Variants in PMM1 observed in about 807,000 individuals in gnomAD.
PMM1 encodes the protein phosphomannomutase 1.
In PMM1, 25 loss-of-function variants were observed where a neutral mutation model predicts 34.0. The observed-to-expected ratio is 0.73, with a 90% CI of 0.54 to 1.03. The LOEUF is 1.03. Ranked by LOEUF, PMM1 falls within the 50% of genes least tolerant of loss-of-function variation. The pLI, the probability that PMM1 is intolerant of heterozygous loss-of-function variation, is 0.00. For synonymous variants in PMM1, 134 were observed against 143.9 expected, an observed-to-expected ratio of 0.93 and a Z score of 0.49; for missense variants, 321 against 350.1, an observed-to-expected ratio of 0.92 and a Z score of 0.66.
chr22:41,584,228 A>G (rs2145624139), intron 4 of PMM1, 53 bp downstream of exon 4: 2 of 1,532,888 alleles, frequency 1.3e-6, no homozygotes, highest in African/African-American at 2.7e-5. Context: ...AGGGACCCAC[A>G]CTTCTCCTCC....
In PMM1 at chr22:41,578,808, C is replaced by T. The variant is rs767071986; in HGVS notation, c.548G>A (p.Arg183Gln). The T allele has an allele frequency of 6.8e-6, 11 of 1,613,708 alleles. No individual in the cohort carries two copies. The highest frequency in any genetic ancestry group is 8.5e-6 in the Non-Finnish European group (10 of 1,179,684). Residue 183 changes from arginine to glutamine, a missense_variant and splice_region_variant, in exon 6 of 8, where the codon CGA (arginine) becomes CAA (glutamine). Transcript: ENST00000216259. ...EFAGKGLRFS[R>Q]GGMISFDVFP... ...GGTCCTCTGCAGGGTGGACGTACCT[C>T]GAGAGAACCTCAGCCCTTTGCCAGC...
chr22:41,587,778 C>A (rs2067328846), intron 1 of PMM1, among the ~76,000 whole-genome samples: 1 of 152,216 alleles, frequency 6.6e-6, no homozygotes, highest in Non-Finnish European at 1.5e-5. Flanking sequence ...ACAGTAACCA[C>A]ATTAACTTGG....
At chr22:41,584,429 GCA>G in intron 3 of PMM1, 57 bp from the exon 4 acceptor site, 1 of 1,568,288 alleles carries the variant, frequency 6.4e-7, no homozygotes, top group Non-Finnish European at 8.8e-7. Flanking sequence ...CCTGAGACAG[GCA>G]CAGTGTCTCT....
Position 41,577,884 on chromosome 22 carries a change from T to C in PMM1, c.590A>G (p.Asp197Gly). 2 of 1,613,428 alleles carry C rather than the reference T, an allele frequency of 1.2e-6. No homozygotes were observed. The highest frequency in any genetic ancestry group is 1.7e-6 in the Non-Finnish European group (2 of 1,179,944). Residue 197 changes from aspartate to glycine, a missense_variant, in exon 7 of 8, where the codon GAC becomes GGC. Asp to Gly is a moderately conservative substitution (Grantham distance 94). Transcript: ENST00000216259. ...CAGGCTATCCAGGCAGTAGCGCTTGTCCCAGCCCTCGGGGAAGACGTCAAA... is the reference window on the plus strand; with the variant it reads ...CAGGCTATCCAGGCAGTAGCGCTTGCCCCAGCCCTCGGGGAAGACGTCAAA... ...ISFDVFPEGWDKRYCLDSLDQ... is the reference protein window; with the variant it reads ...ISFDVFPEGWGKRYCLDSLDQ...
In PMM1 at chr22:41,589,722, G is replaced by C; in HGVS notation, c.84C>G (p.Arg28=). ...FDVDGTLTPA[R]QKIDPEVAAF... ...CTTCCAATCTTCAGGGTCCTACCTGGCGAGCCGGCGTGAGGGTCCCGTCCA... is the reference window on the plus strand; with the variant it reads ...CTTCCAATCTTCAGGGTCCTACCTGCCGAGCCGGCGTGAGGGTCCCGTCCA... Residue 28 remains arginine, a synonymous_variant, in exon 1 of 8, where the codon CGC becomes CGG. Transcript: ENST00000216259. The C allele has an allele frequency of 6.2e-7, 1 of 1,610,546 alleles. No individual in the cohort carries two copies.
chr22:41,581,159 A>ACCAAAT (rs2067243281), intron 5 of PMM1, among the ~76,000 whole-genome samples: 1 of 150,832 alleles, frequency 6.6e-6, no homozygotes, highest in African/African-American at 2.4e-5. Flanking sequence ...CAAAACCAAA[A>ACCAAAT]CCAAAACCAA....
chr22:41,583,675 T>C (rs2067271590), intron 5 of PMM1, among the ~76,000 whole-genome samples: 1 of 151,832 alleles, frequency 6.6e-6, no homozygotes, highest in Non-Finnish European at 1.5e-5. Flanking sequence ...GCTGATGAAA[T>C]AAGAGTTGTT....
In PMM1 at chr22:41,588,547, G is replaced by T. The variant is rs1484320728; in HGVS notation, c.87+1172C>A. On this transcript the variant is annotated intron_variant, in intron 1 of 7. Coordinates refer to ENST00000216259, the MANE Select transcript of PMM1 (RefSeq NM_002676.3). ...TTTTTGTATTTTTAGTAGAGACGGG[G>T]TTTCACCATGTTAGCCAGACTGATC... The T allele has an allele frequency of 4.8e-6, 3 of 630,632 alleles. No individual in the cohort carries two copies. In the African/African-American group the frequency reaches 6.0e-5, roughly 13 times the overall value. 39.1% of individuals were successfully genotyped at this position (630,632 alleles called of 1,614,324 possible). A position where few individuals can be genotyped will look rare whatever the true frequency, so the allele number is the denominator to read the frequency against.
At chr22:41,577,694 T>A (rs1373911697) in intron 7 of PMM1, 114 bp downstream of exon 7, 1 of 810,122 alleles carries the variant, frequency 1.2e-6, no homozygotes, top group Non-Finnish European at 2.1e-6. Flanking sequence ...AGAGGTCTGT[T>A]GTGTTGCCCC....
At chr22:41,586,931 A>T (rs1375584142) in intron 1 of PMM1, among the ~76,000 whole-genome samples, 1 of 145,400 alleles carries the variant, frequency 6.9e-6, no homozygotes, top group Non-Finnish European at 1.5e-5. Context: ...CAGCCTGGCC[A>T]ACATGGTGAA....
intron 6 of PMM1, 52 bp downstream of exon 6, chr22:41,578,754 T>G (rs1205757694): frequency 1.1e-5 from 16 of 1,495,496 alleles, no homozygotes; most frequent in South Asian, 5.7e-5. Context: ...GCAGATGGTT[T>G]GAGGAGGGGC....
chr22:41,583,980 G>C lies in PMM1; in HGVS notation c.453C>G (p.Ile151Met). The C allele has an allele frequency of 3.1e-6, 5 of 1,612,462 alleles. No homozygotes were observed. Among genetic ancestry groups the C allele is most frequent in the South Asian group, 2.2e-5 (2 of 91,052 alleles). ...GTACCTTGTCCAGTTCGGAGAACTCGATCCTCTCCTCCAGGGTGCAGCTCC... is the reference window on the plus strand; with the variant it reads ...GTACCTTGTCCAGTTCGGAGAACTCCATCCTCTCCTCCAGGGTGCAGCTCC... ...IGRSCTLEER[I>M]EFSELDKKEK... Residue 151 changes from isoleucine (I) to methionine (M), a missense_variant, in exon 5 of 8, where the codon ATC becomes ATG. By Grantham distance (10) the Ile-to-Met change is conservative. Transcript: ENST00000216259.
chr22:41,577,736 T>C (rs535558386), intron 7 of PMM1, 72 bp downstream of exon 7: 109 of 1,176,154 alleles, frequency 9.3e-5, no homozygotes, highest in South Asian at 5.7e-4. Flanking sequence ...GTGATTTGCA[T>C]TGGAGAAGCC....
chr22:41,578,706 C>T, intron 6 of PMM1, 100 bp downstream of exon 6: 1 of 965,016 alleles, frequency 1.0e-6, no homozygotes. Flanking sequence ...GGAGGGGCTA[C>T]TAAAGCTACT....
At position 41,577,266 on chromosome 22, in the gene PMM1, T is replaced by C. The variant is rs777256620; in HGVS notation, c.*52A>G. The stretch of plus-strand genomic sequence containing the variant: ...TCTATCCAACACCAGGACCTCTCTT[T>C]AGGCCTAGGCCAAACTCTTCAGAAG... On this transcript the variant is annotated 3_prime_UTR_variant, in exon 8 of 8. Transcript: ENST00000216259. 2 of 1,610,090 alleles carry C rather than the reference T, an allele frequency of 1.2e-6. No homozygotes were observed. Among genetic ancestry groups the C allele is most frequent in the Non-Finnish European group, 1.7e-6 (2 of 1,179,504 alleles).
At chr22:41,588,051 CATTT>C (rs1246983717) in intron 1 of PMM1, among the ~76,000 whole-genome samples, 1 of 152,144 alleles carries the variant, frequency 6.6e-6, no homozygotes, top group Non-Finnish European at 1.5e-5. Flanking sequence ...TTCTTTTATT[CATTT>C]ATTTGTTTGT....
chr22:41,583,790 T>C (rs986257128), intron 5 of PMM1, among the ~76,000 whole-genome samples, 169 bp downstream of exon 5: 2 of 152,070 alleles, frequency 1.3e-5, no homozygotes, highest in African/African-American at 4.8e-5. Context: ...ACCAGCAGCA[T>C]TGTAAAGATG....
chr22:41,583,956 T>C lies in PMM1; in HGVS notation c.474+3A>G. ...AGGCCTAAGATTGCATAGCTAGTGG[T>C]ACCTTGTCCAGTTCGGAGAACTCGA... On this transcript the variant is annotated splice_donor_region_variant and intron_variant, in intron 5 of 7. Coordinates refer to ENST00000216259, the MANE Select transcript of PMM1 (RefSeq NM_002676.3). 1 of 1,588,698 alleles carries C rather than the reference T, an allele frequency of 6.3e-7. No homozygotes were observed. The highest frequency in any genetic ancestry group is 8.6e-7 in the Non-Finnish European group (1 of 1,156,852).
chr22:41,578,476 C>T (rs574159085), intron 6 of PMM1, among the ~76,000 whole-genome samples: 5 of 151,674 alleles, frequency 3.3e-5, no homozygotes, highest in African/African-American at 7.3e-5. Context: ...GTGTGAGCAC[C>T]GGTGGGATTC....
Sources: gnomAD v4.1 joint callset for allele counts (sites outside exome capture counted in the v4.1 genomes callset) on GRCh38, gnomAD v4.1.1 for gene constraint, MANE v1.5 for transcripts, NCBI Gene and HGNC (gene_info 2026-07-23, HGNC 2026-07-21) for gene names.